Variants in XKR8 observed in about 807,000 individuals in gnomAD.
XKR8 encodes XK related 8.
A neutral mutation model predicts 17.1 loss-of-function variants in XKR8; 10 were observed. That is an observed-to-expected ratio of 0.59 (90% CI 0.36 to 0.99). The LOEUF is 0.99. XKR8 is among the 50% of genes least tolerant of loss of function. XKR8 has a pLI of 0.01. For synonymous variants in XKR8, 213 were observed against 251.9 expected (o/e 0.85, Z 1.46); for missense variants, 411 against 515.6 (o/e 0.80, Z 1.96).
intron 1 of XKR8, among the ~76,000 whole-genome samples, chr1:27,962,559 G>A (rs1571673019): frequency 6.6e-6 from 1 of 151,296 alleles, no homozygotes; most frequent in African/African-American, 2.4e-5. Context: ...GGCGACAAGC[G>A]ACAGATGTAG....
Position 27,966,375 on chromosome 1 carries a change from C to T in XKR8, c.491-128C>T. ...GGGTCTTCTCTAGCTGCAGATTTGCCTTCAACAAACGAGGGATTCTAATAC... is the reference window on the plus strand; with the variant it reads ...GGGTCTTCTCTAGCTGCAGATTTGCTTTCAACAAACGAGGGATTCTAATAC... On this transcript the variant is annotated intron_variant, in intron 2 of 2. Transcript: ENST00000373884. The surrounding 1 kb of genome is among the most constrained non-coding windows in gnomAD (Gnocchi z 4.3). The T allele has an allele frequency of 1.1e-6, 1 of 895,006 alleles. No individual in the cohort carries two copies. The highest frequency in any genetic ancestry group is 1.7e-6 in the Non-Finnish European group (1 of 590,182). 55.4% of individuals were successfully genotyped at this position (895,006 alleles called of 1,614,324 possible).
Position 27,960,081 on chromosome 1 carries a change from G to C in XKR8, c.12G>C (p.Ser4=). Residue 4 remains serine (S), a synonymous_variant, in exon 1 of 3, where the codon TCG becomes TCC. Transcript: ENST00000373884. This position sits in a 1 kb window ranked among gnomAD's most constrained non-coding sequence, Gnocchi z 5.9. The part of the protein sequence containing the change: MPW[S]SRGALLRDLV... ...GAGGCCGGCGGGCCATGCCCTGGTCGTCCCGCGGCGCCCTCCTTCGGGACC... is the reference window on the plus strand; with the variant it reads ...GAGGCCGGCGGGCCATGCCCTGGTCCTCCCGCGGCGCCCTCCTTCGGGACC... 2 of 1,464,222 alleles carry C rather than the reference G, an allele frequency of 1.4e-6. No individual in the cohort carries two copies. Among genetic ancestry groups the C allele is most frequent in the Non-Finnish European group, 1.8e-6 (2 of 1,113,554 alleles). 90.7% of individuals were successfully genotyped at this position (1,464,222 alleles called of 1,614,324 possible).
rs1199514897 is a variant in XKR8 at position 27,960,225 on chromosome 1, G to GC, written c.157dup (p.Leu53ProfsTer19). The stretch of plus-strand genomic sequence containing the variant: ...TGTGGGCGGCGCTGGTGCTGGCGCT[G>GC]CTGGGCCTGGCCTCCGTGGCGCTGC... On this transcript the variant is annotated frameshift_variant, in exon 1 of 3. Coordinates refer to ENST00000373884, the MANE Select transcript of XKR8 (RefSeq NM_018053.4). LOFTEE classifies it high-confidence loss of function. The surrounding 1 kb of genome is among the most constrained non-coding windows in gnomAD (Gnocchi z 5.9). 1 of 1,526,860 alleles carries GC rather than the reference G, an allele frequency of 6.5e-7. No individual in the cohort carries two copies. Among genetic ancestry groups the GC allele is most frequent in the African/African-American group, 1.4e-5 (1 of 71,644 alleles). The allele number at this position is 1,526,860 out of a possible 1,614,324, so 94.6% of individuals were successfully genotyped here.
intron 1 of XKR8, 97 bp from the exon 2 acceptor site, chr1:27,963,400 C>T (rs1251825263): frequency 7.1e-6 from 10 of 1,415,012 alleles, no homozygotes; most frequent in African/African-American, 2.9e-5. Flanking sequence ...TGTGAGGAGA[C>T]AGGTTGGAGC....
Position 27,967,147 on chromosome 1 carries a change from C to T in XKR8, c.1135C>T (p.Gln379Ter), listed in dbSNP as rs1418393899. 1.3e-6 allele frequency: 2 copies of T among 1,592,086 alleles called. No individual in the cohort carries two copies. The highest frequency in any genetic ancestry group is 1.7e-5 in the Admixed American group (1 of 57,322). Residue 379 changes from glutamine to a stop codon, truncating the protein, a stop_gained, in exon 3 of 3, where the codon CAG becomes TAG. Transcript: ENST00000373884. LOFTEE classifies it low-confidence loss of function (END_TRUNC). This position sits in a 1 kb window ranked among gnomAD's most constrained non-coding sequence, Gnocchi z 4.3. ...GAACAGGCGCATGACCCATTTAGCA[C>T]AGAAGTTTTTCCCCAAGGCTAAGGA... ...PQNRRMTHLA[Q>*]KFFPKAKDEA...
chr1:27,960,278 C>T lies in XKR8; in HGVS notation c.209C>T (p.Ala70Val). The part of the protein sequence containing the change: ...LQLFSWLWLR[A>V]DPAGLHGSQP... Reference sequence around the variant, plus strand: ...CTCTTCAGCTGGCTCTGGCTGCGCGCTGACCCTGCCGGCCTGCACGGGTCG... The same window carrying T: ...CTCTTCAGCTGGCTCTGGCTGCGCGTTGACCCTGCCGGCCTGCACGGGTCG... Residue 70 changes from alanine (A) to valine (V), a missense_variant, in exon 1 of 3, where the codon GCT (alanine) becomes GTT (valine). Physicochemically the swap from Ala to Val is moderately conservative, Grantham distance 64 (BLOSUM62 0). Coordinates refer to ENST00000373884, the MANE Select transcript of XKR8 (RefSeq NM_018053.4). This position sits in a 1 kb window ranked among gnomAD's most constrained non-coding sequence, Gnocchi z 5.9. 6.6e-7 allele frequency: 1 copy of T among 1,517,526 alleles called. No homozygotes were observed. Among genetic ancestry groups the T allele is most frequent in the African/African-American group, 1.4e-5 (1 of 70,746 alleles). 94.0% of individuals were successfully genotyped at this position (1,517,526 alleles called of 1,614,324 possible).
chr1:27,964,354 C>G (rs374560277), intron 2 of XKR8: 1 of 151,928 alleles, frequency 6.6e-6, no homozygotes, highest in Non-Finnish European at 1.5e-5. Context: ...GTGTAAGGTG[C>G]CTGATACAGC....
Position 27,960,029 on chromosome 1 carries a change from C to T in XKR8, c.-41C>T, listed in dbSNP as rs1638429907. The stretch of plus-strand genomic sequence containing the variant: ...CAACCCCGGGCCCTGAGGGCAGGCC[C>T]CAACCGCGGAGGAGCAGGAGAGGGC... On this transcript the variant is annotated 5_prime_UTR_variant, in exon 1 of 3. Coordinates refer to ENST00000373884, the MANE Select transcript of XKR8 (RefSeq NM_018053.4). The surrounding 1 kb of genome is among the most constrained non-coding windows in gnomAD (Gnocchi z 5.9). The T allele has an allele frequency of 7.3e-7, 1 of 1,377,504 alleles. No homozygotes were observed. The highest frequency in any genetic ancestry group is 9.3e-7 in the Non-Finnish European group (1 of 1,070,840). The allele number at this position is 1,377,504 out of a possible 1,614,324, so 85.3% of individuals were successfully genotyped here.
At chr1:27,962,600 A>AAG (rs566737986) in intron 1 of XKR8, among the ~76,000 whole-genome samples, 2 of 151,682 alleles carry the variant, frequency 1.3e-5, no homozygotes, top group African/African-American at 4.8e-5. Context: ...GAAAAAAAAA[A>AAG]AGAGAGAGAG....
At position 27,966,633 on chromosome 1, in the gene XKR8, C is replaced by T. The variant is rs1557507213; in HGVS notation, c.621C>T (p.Asn207=). 4.3e-6 allele frequency: 7 copies of T among 1,614,044 alleles called. No homozygotes were observed. Among genetic ancestry groups the T allele is most frequent in the Non-Finnish European group, 5.9e-6 (7 of 1,180,028 alleles). Reference sequence around the variant, plus strand: ...CCTCCGTGATCTACTTCCTGTGGAACCTGCTGCTGCTGTGGCCCCGAGTCC... The same window carrying T: ...CCTCCGTGATCTACTTCCTGTGGAATCTGCTGCTGCTGTGGCCCCGAGTCC... The part of the protein sequence containing the change: ...LGSSVIYFLW[N]LLLLWPRVLA... The change falls in exon 3 of 3, where the codon AAC becomes AAT. Residue 207 remains asparagine (N), a synonymous_variant. Coordinates refer to ENST00000373884, the MANE Select transcript of XKR8 (RefSeq NM_018053.4). The surrounding 1 kb of genome is among the most constrained non-coding windows in gnomAD (Gnocchi z 4.3).
At position 27,966,701 on chromosome 1, in the gene XKR8, C is replaced by T. The variant is rs375402261; in HGVS notation, c.689C>T (p.Ala230Val). The change falls in exon 3 of 3, where the codon GCC becomes GTC. Residue 230 changes from alanine (A) to valine (V), a missense_variant. Coordinates refer to ENST00000373884, the MANE Select transcript of XKR8 (RefSeq NM_018053.4). This position sits in a 1 kb window ranked among gnomAD's most constrained non-coding sequence, Gnocchi z 4.3. ...TCAGCCCTCTTCCCCAGCTATGTGGCCCTGCACTTCCTGGGCCTGTGGCTG... is the reference window on the plus strand; with the variant it reads ...TCAGCCCTCTTCCCCAGCTATGTGGTCCTGCACTTCCTGGGCCTGTGGCTG... ...LFSALFPSYV[A>V]LHFLGLWLVL... 2.7e-5 allele frequency: 43 copies of T among 1,614,042 alleles called. No individual in the cohort carries two copies. The highest frequency in any genetic ancestry group is 4.5e-5 in the East Asian group (2 of 44,888).
Position 27,961,123 on chromosome 1 carries a change from T to C in XKR8, c.293+761T>C, listed in dbSNP as rs72875029. On this transcript the variant is annotated intron_variant, in intron 1 of 2. Transcript: ENST00000373884. ...GTCTGCCTGGTTGTATTCTTCCCCC[T>C]GAAACTTGGCTTCCCACCCCAGACC... is the stretch of plus-strand genomic sequence containing the variant. 4.5e-3 allele frequency among the ~76,000 whole-genome samples: 680 copies of C among 152,338 alleles called. 6 individuals are homozygous for C. Among genetic ancestry groups the C allele is most frequent in the African/African-American group, 0.016 (656 of 41,594 alleles).
chr1:27,966,545 T>G lies in XKR8; in HGVS notation c.533T>G (p.Leu178Arg), dbSNP rs1226521823. The G allele has an allele frequency of 6.2e-7, 1 of 1,613,958 alleles. No homozygotes were observed. The highest frequency in any genetic ancestry group is 1.7e-5 in the Admixed American group (1 of 60,020). The change falls in exon 3 of 3, where the codon CTG becomes CGG. Residue 178 changes from leucine to arginine, a missense_variant. Physicochemically the swap from Leu to Arg is moderately radical, Grantham distance 102. Coordinates refer to ENST00000373884, the MANE Select transcript of XKR8 (RefSeq NM_018053.4). This position sits in a 1 kb window ranked among gnomAD's most constrained non-coding sequence, Gnocchi z 4.3. ...CTSFLGISWA[L>R]LDYHRALRTC... Reference sequence around the variant, plus strand: ...TCCTTCCTGGGCATCTCGTGGGCACTGCTCGACTACCACCGGGCCTTGCGC... The same window carrying G: ...TCCTTCCTGGGCATCTCGTGGGCACGGCTCGACTACCACCGGGCCTTGCGC...
Position 27,960,203 on chromosome 1 carries a change from GGGC to G in XKR8, c.139_141del (p.Ala47del). 1 of 1,526,702 alleles carries G rather than the reference GGGC, an allele frequency of 6.6e-7. No homozygotes were observed. The highest frequency in any genetic ancestry group is 8.7e-7 in the Non-Finnish European group (1 of 1,143,858). The allele number at this position is 1,526,702 out of a possible 1,614,324, so 94.6% of individuals were successfully genotyped here. A position where few individuals can be genotyped will look rare whatever the true frequency, so the allele number is the denominator to read the frequency against. ...TATGCGCTCGGCGGCCGCTACCTGT[GGGC>G]GGCGCTGGTGCTGGCGCTGCTGGGC... On this transcript the variant is annotated inframe_deletion, in exon 1 of 3. Coordinates refer to ENST00000373884, the MANE Select transcript of XKR8 (RefSeq NM_018053.4). This position sits in a 1 kb window ranked among gnomAD's most constrained non-coding sequence, Gnocchi z 5.9.
At chr1:27,964,928 G>A (rs1389771317) in intron 2 of XKR8, among the ~76,000 whole-genome samples, 1 of 152,168 alleles carries the variant, frequency 6.6e-6, no homozygotes, top group Non-Finnish European at 1.5e-5. Flanking sequence ...GTGTGACCTG[G>A]AGAGCCTTCC....
rs1003640727 is a variant in XKR8, at chr1:27,960,026, G to T, written c.-44G>T. 2.0e-5 allele frequency: 27 copies of T among 1,374,902 alleles called. No homozygotes were observed. Among genetic ancestry groups the T allele is most frequent in the Middle Eastern group, 2.7e-4 (1 of 3,726 alleles). 85.2% of individuals were successfully genotyped at this position (1,374,902 alleles called of 1,614,324 possible). A position where few individuals can be genotyped will look rare whatever the true frequency, so the allele number is the denominator to read the frequency against. On this transcript the variant is annotated 5_prime_UTR_variant, in exon 1 of 3. Coordinates refer to ENST00000373884, the MANE Select transcript of XKR8 (RefSeq NM_018053.4). The surrounding 1 kb of genome is among the most constrained non-coding windows in gnomAD (Gnocchi z 5.9). ...CGGCAACCCCGGGCCCTGAGGGCAG[G>T]CCCCAACCGCGGAGGAGCAGGAGAG...
In XKR8 at chr1:27,967,326, G is replaced by T; in HGVS notation, c.*126G>T. 1 of 1,137,018 alleles carries T rather than the reference G, an allele frequency of 8.8e-7. No homozygotes were observed. The highest frequency in any genetic ancestry group is 1.2e-6 in the Non-Finnish European group (1 of 825,732). The allele number at this position is 1,137,018 out of a possible 1,614,324, so 70.4% of individuals were successfully genotyped here. On this transcript the variant is annotated 3_prime_UTR_variant, in exon 3 of 3. Transcript: ENST00000373884. This position sits in a 1 kb window ranked among gnomAD's most constrained non-coding sequence, Gnocchi z 4.3. ...TGGCCTCTATGCACTCAGCAAGAGC[G>T]GGACGCCTGTGCTGGGCCGGGCACC...
At chr1:27,964,809 C>T (rs1307923991) in intron 2 of XKR8, among the ~76,000 whole-genome samples, 2 of 152,072 alleles carry the variant, frequency 1.3e-5, no homozygotes, top group East Asian at 1.9e-4. Context: ...AAGAGGGCCC[C>T]CACTCACATC....
In XKR8 at chr1:27,966,482, G is replaced by C; in HGVS notation, c.491-21G>C. On this transcript the variant is annotated intron_variant, in intron 2 of 2. Transcript: ENST00000373884. The surrounding 1 kb of genome is among the most constrained non-coding windows in gnomAD (Gnocchi z 4.3). ...AAGCAGGCTGGCCCCAGGACTCACTGTTCCCTCCTACTCTTTGCAGGGGTT... is the reference window on the plus strand; with the variant it reads ...AAGCAGGCTGGCCCCAGGACTCACTCTTCCCTCCTACTCTTTGCAGGGGTT... 5 of 1,592,498 alleles carry C rather than the reference G, an allele frequency of 3.1e-6. No individual in the cohort carries two copies. The highest frequency in any genetic ancestry group is 4.3e-6 in the Non-Finnish European group (5 of 1,166,686).
Sources: gnomAD v4.1 joint callset for allele counts (sites outside exome capture counted in the v4.1 genomes callset) on GRCh38, gnomAD v4.1.1 for gene constraint, Gnocchi (gnomAD v3.1) non-coding constraint, MANE v1.5 for transcripts, NCBI Gene and HGNC (gene_info 2026-07-23, HGNC 2026-07-21) for gene names.